The following LRP1B variants were observed in gnomAD, a reference collection of about 807,000 sequenced individuals.
LRP1B encodes the protein low-density lipoprotein receptor-related protein 1B.
A neutral mutation model predicts 556.6 loss-of-function variants in LRP1B; 217 were observed. That is an observed-to-expected ratio of 0.39 (90% CI 0.35 to 0.44). The LOEUF is 0.44. Ranked by LOEUF, LRP1B falls within the 20% of genes least tolerant of loss-of-function variation. LRP1B has a pLI of 1.00. For missense variants in LRP1B, 5,053 were observed against 5,620.8 expected (o/e 0.90, Z 3.23); for synonymous variants, 2,047 against 1,865.8 (o/e 1.10, Z -2.50).
chr2:140,964,188 ATATCAGGGAC>A (rs1696125917), intron 18 of LRP1B, among the ~76,000 whole-genome samples: 2 of 152,182 alleles, frequency 1.3e-5, no homozygotes, highest in South Asian at 4.1e-4. Flanking sequence ...TTATTTCTGC[ATATCAGGGAC>A]TATTAGTATT....
intron 3 of LRP1B, among the ~76,000 whole-genome samples, chr2:141,391,926 T>C (rs1266635369): frequency 1.3e-5 from 2 of 152,178 alleles, no homozygotes; most frequent in African/African-American, 4.8e-5. Context: ...ACCCCTATGA[T>C]GTACCCACTA....
chr2:141,671,111 G>C (rs1690649900), intron 2 of LRP1B, among the ~76,000 whole-genome samples: 1 of 152,090 alleles, frequency 6.6e-6, no homozygotes, highest in Non-Finnish European at 1.5e-5. Flanking sequence ...AAATATTTGG[G>C]ATTTAAAGGG....
intron 1 of LRP1B, among the ~76,000 whole-genome samples, chr2:141,916,606 T>C (rs2217841): frequency 8.1e-5 from 12 of 147,358 alleles, no homozygotes; most frequent in South Asian, 2.1e-4. Flanking sequence ...ATGGTCTTGA[T>C]CTCCTGACCT....
chr2:140,604,979 A>G (rs2105209232), intron 41 of LRP1B, among the ~76,000 whole-genome samples: 1 of 152,232 alleles, frequency 6.6e-6, no homozygotes, highest in African/African-American at 2.4e-5. Context: ...TGGAACTGTG[A>G]GTTGTTGAAC....
chr2:140,382,179 C>A (rs1238453337), intron 67 of LRP1B, among the ~76,000 whole-genome samples: 1 of 152,100 alleles, frequency 6.6e-6, no homozygotes, highest in Admixed American at 6.6e-5. Flanking sequence ...TTTTAGAATA[C>A]AATTAGTATA....
intron 52 of LRP1B, 55 bp from the exon 53 acceptor site, chr2:140,506,973 C>T (rs944369797): frequency 1.3e-6 from 2 of 1,556,464 alleles, no homozygotes; most frequent in Non-Finnish European, 1.7e-6. Flanking sequence ...TTATCTTCCC[C>T]TATATTAGGA....
At chr2:140,736,993 G>C (rs1687968370) in intron 35 of LRP1B, among the ~76,000 whole-genome samples, 1 of 152,058 alleles carries the variant, frequency 6.6e-6, no homozygotes, top group Non-Finnish European at 1.5e-5. Flanking sequence ...CATTGTTAAG[G>C]CCAAAAATAC....
chr2:140,591,492 C>T (rs1291121367), intron 43 of LRP1B, among the ~76,000 whole-genome samples: 1 of 152,210 alleles, frequency 6.6e-6, no homozygotes, highest in Non-Finnish European at 1.5e-5. Context: ...CTTCATATCT[C>T]CCTTTAAGAC....
chr2:141,200,897 G>C (rs1681985920), intron 6 of LRP1B, among the ~76,000 whole-genome samples: 1 of 152,150 alleles, frequency 6.6e-6, no homozygotes, highest in Non-Finnish European at 1.5e-5. Flanking sequence ...AATAGCCTTT[G>C]CTCAAAAAAT....
At chr2:140,783,249 T>C (rs2104967405) in intron 32 of LRP1B, among the ~76,000 whole-genome samples, 1 of 152,240 alleles carries the variant, frequency 6.6e-6, no homozygotes, top group African/African-American at 2.4e-5. Flanking sequence ...TATGCCAGAA[T>C]TGTTGAGATC....
intron 2 of LRP1B, among the ~76,000 whole-genome samples, chr2:141,517,936 A>G (rs903710820): frequency 3.3e-5 from 5 of 152,170 alleles, no homozygotes; most frequent in African/African-American, 1.2e-4. Context: ...GATGGCTCTC[A>G]TGTATTCACT....
intron 2 of LRP1B, among the ~76,000 whole-genome samples, chr2:141,528,461 A>G (rs1684763767): frequency 6.6e-6 from 1 of 152,114 alleles, no homozygotes; most frequent in African/African-American, 2.4e-5. Context: ...AGATATAAGA[A>G]AGCCAAAGTT....
chr2:141,415,808 T>G (rs553156918), intron 3 of LRP1B, among the ~76,000 whole-genome samples: 11 of 152,314 alleles, frequency 7.2e-5, no homozygotes, highest in South Asian at 6.2e-4. Flanking sequence ...AAATGAAGTA[T>G]GTGATTGCAA....
At chr2:141,155,209 A>T (rs1444405100) in intron 7 of LRP1B, among the ~76,000 whole-genome samples, 1 of 151,862 alleles carries the variant, frequency 6.6e-6, no homozygotes, top group Non-Finnish European at 1.5e-5. Context: ...CAAATATCTT[A>T]CTTAATAACC....
intron 7 of LRP1B, among the ~76,000 whole-genome samples, chr2:141,070,780 A>G (rs1411493254): frequency 1.3e-5 from 2 of 152,120 alleles, no homozygotes; most frequent in East Asian, 1.9e-4. Flanking sequence ...TCCTCAACAC[A>G]TACACCCTCC....
chr2:141,139,796 T>C (rs891018087), intron 7 of LRP1B, among the ~76,000 whole-genome samples: 4 of 151,230 alleles, frequency 2.6e-5, no homozygotes, highest in East Asian at 3.9e-4. Flanking sequence ...TGTGTGTGTG[T>C]GTGTGTGTGT....
chr2:140,396,116 GA>G (rs1684241198), intron 66 of LRP1B, among the ~76,000 whole-genome samples: 1 of 152,130 alleles, frequency 6.6e-6, no homozygotes, highest in South Asian at 2.1e-4. Flanking sequence ...AGGCATAACA[GA>G]AATCTCGATA....
At chr2:141,884,381 GA>G (rs1420134629) in intron 1 of LRP1B, among the ~76,000 whole-genome samples, 9 of 151,578 alleles carry the variant, frequency 5.9e-5, no homozygotes, top group African/African-American at 1.9e-4. Flanking sequence ...TGTCTAAAAA[GA>G]AAAAAAGAAA....
intron 3 of LRP1B, among the ~76,000 whole-genome samples, chr2:141,459,706 CT>C (rs1425879612): frequency 6.6e-6 from 1 of 152,086 alleles, no homozygotes; most frequent in Admixed American, 6.6e-5. Context: ...AAGTTCCCTT[CT>C]GTTTTTTGCC....
Sources: gnomAD v4.1 joint callset for allele counts (sites outside exome capture counted in the v4.1 genomes callset) on GRCh38, gnomAD v4.1.1 for gene constraint, MANE v1.5 for transcripts, NCBI Gene and HGNC (gene_info 2026-07-23, HGNC 2026-07-21) for gene names.